The following NT5C1B variants were observed in gnomAD, a reference collection of about 807,000 sequenced individuals.
The protein encoded by NT5C1B is cytosolic 5'-nucleotidase 1B.
A neutral mutation model predicts 57.8 loss-of-function variants in NT5C1B; 44 were observed. The observed-to-expected ratio is 0.76, with a 90% confidence interval of 0.60 to 0.98. The LOEUF is 0.98. NT5C1B is among the 50% of genes least tolerant of loss of function. The pLI is 0.00. For missense variants in NT5C1B, 742 were observed against 719.5 expected, an observed-to-expected ratio of 1.03 and a Z score of -0.36; for synonymous variants, 284 against 282.6, an observed-to-expected ratio of 1.00 and a Z score of -0.05.
chr2:18,584,031 T>G lies in NT5C1B; in HGVS notation c.891+57A>C. 1 of 1,613,906 alleles carries G rather than the reference T, an allele frequency of 6.2e-7. No homozygotes were observed. The highest frequency in any genetic ancestry group is 8.5e-7 in the Non-Finnish European group (1 of 1,179,838). On this transcript the variant is annotated intron_variant, in intron 5 of 8. Coordinates refer to ENST00000304081, the Ensembl canonical transcript of NT5C1B. This position sits in a 1 kb window ranked among gnomAD's most constrained non-coding sequence, Gnocchi z 5.8. ...TTGGATGCCCTCCCAAGGGTTGGCC[T>G]GGGTCCCTCCCTCGCCATCGAGTGT...
intron 3 of NT5C1B, among the ~76,000 whole-genome samples, chr2:18,585,894 T>C (rs1262447704): frequency 6.6e-6 from 1 of 152,088 alleles, no homozygotes; most frequent in Admixed American, 6.5e-5. Context: ...CCCCACACAA[T>C]CTGACACTCT....
At chr2:18,563,590 C>G (rs1409952884) in exon 9 of NT5C1B, 5 of 467,784 alleles carry the variant, frequency 1.1e-5, no homozygotes, top group Admixed American at 3.7e-5. Context: ...TAATGGCATT[C>G]AACAGTATTG....
intron 6 of NT5C1B, among the ~76,000 whole-genome samples, chr2:18,577,176 C>T (rs1197237154): frequency 2.0e-5 from 3 of 152,052 alleles, no homozygotes; most frequent in Admixed American, 6.6e-5. Context: ...TTTATTCTCA[C>T]AAACATACTG....
intron 8 of NT5C1B, among the ~76,000 whole-genome samples, chr2:18,574,809 C>G (rs1665529949): frequency 6.6e-6 from 1 of 151,950 alleles, no homozygotes; most frequent in Non-Finnish European, 1.5e-5. Flanking sequence ...AGATCATATG[C>G]TAAGTATTCT....
intron 8 of NT5C1B, among the ~76,000 whole-genome samples, chr2:18,565,378 T>C (rs985992222): frequency 2.0e-5 from 3 of 152,212 alleles, no homozygotes; most frequent in Admixed American, 6.5e-5. Context: ...AAACATCTTA[T>C]GGTAATAATC....
At chr2:18,571,407 A>G (rs1665137564) in intron 8 of NT5C1B, among the ~76,000 whole-genome samples, 1 of 152,096 alleles carries the variant, frequency 6.6e-6, no homozygotes, top group Admixed American at 6.6e-5. Context: ...AGTACCATTT[A>G]TGATAGTACC....
chr2:18,586,380 T>G, exon 3 of NT5C1B: 1 of 1,614,058 alleles, frequency 6.2e-7, no homozygotes, highest in Non-Finnish European at 8.5e-7. Flanking sequence ...GCAGTGATGA[T>G]TCTTGTGATC....
chr2:18,563,968 C>T lies in NT5C1B; in HGVS notation c.1481G>A (p.Arg494His), dbSNP rs147855687. Residue 494 changes from arginine (R) to histidine (H), a missense_variant, in exon 9 of 9, where the codon CGC (arginine) becomes CAC (histidine). Arg to His is a conservative substitution (Grantham distance 29, BLOSUM62 0). Transcript: ENST00000304081. ...AGCTTCGTCTATCTCTAGACCCCAGCGTCGAAGGGTCTTCAGCACACGGGC... is the reference window on the plus strand; with the variant it reads ...AGCTTCGTCTATCTCTAGACCCCAGTGTCGAAGGGTCTTCAGCACACGGGC... 9.1e-4 allele frequency: 1,466 copies of T among 1,614,174 alleles called. 6 individuals are homozygous for T. Among genetic ancestry groups the T allele is most frequent in the Middle Eastern group, 1.8e-3 (11 of 6,060 alleles).
At chr2:18,568,127 C>T (rs944708727) in intron 8 of NT5C1B, among the ~76,000 whole-genome samples, 1 of 151,388 alleles carries the variant, frequency 6.6e-6, no homozygotes, top group Non-Finnish European at 1.5e-5. Context: ...CACACACACT[C>T]CCCTCTCATA....
intron 2 of NT5C1B, chr2:18,587,052 C>A (rs150116798): frequency 3.1e-6 from 5 of 1,614,166 alleles, no homozygotes; most frequent in Non-Finnish European, 3.4e-6. Flanking sequence ...AATATAAATA[C>A]GTATTGTGTG....
At chr2:18,578,624 C>G (rs1665912819) in intron 6 of NT5C1B, among the ~76,000 whole-genome samples, 1 of 151,946 alleles carries the variant, frequency 6.6e-6, no homozygotes, top group Non-Finnish European at 1.5e-5. Flanking sequence ...TAATCCCCTC[C>G]CCAAAAAAAC....
chr2:18,584,081 A>T lies in NT5C1B; in HGVS notation c.891+7T>A. ...TCCTGGCGGGCCAAAGACAGCTTGCAGAATACCTTGACGAAGCGGAACGCC... is the reference window on the plus strand; with the variant it reads ...TCCTGGCGGGCCAAAGACAGCTTGCTGAATACCTTGACGAAGCGGAACGCC... On this transcript the variant is annotated splice_region_variant and intron_variant, in intron 5 of 8. Coordinates refer to ENST00000304081, the Ensembl canonical transcript of NT5C1B. The surrounding 1 kb of genome is among the most constrained non-coding windows in gnomAD (Gnocchi z 5.8). 6.2e-7 allele frequency: 1 copy of T among 1,614,190 alleles called. No individual in the cohort carries two copies. Among genetic ancestry groups the T allele is most frequent in the Non-Finnish European group, 8.5e-7 (1 of 1,180,046 alleles).
In NT5C1B at chr2:18,584,564, A is replaced by G; in HGVS notation, c.673T>C (p.Ser225Pro). The G allele has an allele frequency of 2.5e-6, 4 of 1,612,822 alleles. No individual in the cohort carries two copies. Among genetic ancestry groups the G allele is most frequent in the Non-Finnish European group, 8.5e-7 (1 of 1,179,580 alleles). Residue 225 changes from serine (S) to proline (P), a missense_variant, in exon 4 of 9, where the codon TCC (serine) becomes CCC (proline). Coordinates refer to ENST00000304081, the Ensembl canonical transcript of NT5C1B. The surrounding 1 kb of genome is among the most constrained non-coding windows in gnomAD (Gnocchi z 5.8). ...TTCTTCTCGTAGAACGACCTCATGG[A>G]TGCCCAGTAGGCAGCCTCGTAGTCG...
rs1378277010 is a variant in NT5C1B at position 18,589,425 on chromosome 2, C to T, written c.30+14G>A. Reference sequence around the variant, plus strand: ...AGCCCCATGGCAAGATTCTAAGACACTCGGTTCACTCACCTTTTTCTGTTT... The same window carrying T: ...AGCCCCATGGCAAGATTCTAAGACATTCGGTTCACTCACCTTTTTCTGTTT... On this transcript the variant is annotated intron_variant, in intron 1 of 8. Transcript: ENST00000304081. The T allele has an allele frequency of 5.6e-6, 9 of 1,614,118 alleles. No homozygotes were observed. The highest frequency in any genetic ancestry group is 7.6e-6 in the Non-Finnish European group (9 of 1,179,994).
At chr2:18,576,690 T>A in intron 7 of NT5C1B, 83 bp downstream of exon 7, 1 of 1,577,924 alleles carries the variant, frequency 6.3e-7, no homozygotes. Context: ...ACCATAAGCC[T>A]CATAATCATA....
chr2:18,569,754 A>G (rs1664983429), intron 8 of NT5C1B, among the ~76,000 whole-genome samples: 1 of 152,148 alleles, frequency 6.6e-6, no homozygotes, highest in Non-Finnish European at 1.5e-5. Flanking sequence ...ATTCTCAAAT[A>G]TATTTGGAGA....
intron 8 of NT5C1B, among the ~76,000 whole-genome samples, chr2:18,565,143 ATT>A (rs1305336462): frequency 2.0e-5 from 3 of 152,082 alleles, no homozygotes; most frequent in Non-Finnish European, 2.9e-5. Flanking sequence ...TTGATTGGCT[ATT>A]GTAACTGAAA....
chr2:18,581,301 AAT>A (rs1457287902), intron 6 of NT5C1B, among the ~76,000 whole-genome samples: 3 of 152,180 alleles, frequency 2.0e-5, no homozygotes, highest in Middle Eastern at 3.2e-3. Context: ...TAAAAAAAGG[AAT>A]ATTCTGAAAT....
Position 18,586,619 on chromosome 2 carries a change from C to T in NT5C1B, c.121-228G>A, listed in dbSNP as rs575165415. ...TGTGGGGGTCCACTTGAAAGAGCATCCAAAACCAAGATGCAAACATATTTT... is the reference window on the plus strand; with the variant it reads ...TGTGGGGGTCCACTTGAAAGAGCATTCAAAACCAAGATGCAAACATATTTT... On this transcript the variant is annotated intron_variant, in intron 2 of 8. Transcript: ENST00000304081. 4 of 679,614 alleles carry T rather than the reference C, an allele frequency of 5.9e-6. No homozygotes were observed. In the Admixed American group the frequency reaches 1.2e-4, roughly 21 times the overall value. 42.1% of individuals were successfully genotyped at this position (679,614 alleles called of 1,614,324 possible). A position where few individuals can be genotyped will look rare whatever the true frequency, so the allele number is the denominator to read the frequency against.
Sources: allele counts gnomAD v4.1 joint callset (sites outside exome capture counted in the v4.1 genomes callset), GRCh38; gene constraint gnomAD v4.1.1; non-coding constraint Gnocchi (gnomAD v3.1); transcripts MANE v1.5; gene names NCBI Gene and HGNC (gene_info 2026-07-23, HGNC 2026-07-21).